Variants in PC observed in about 807,000 individuals in gnomAD.
PC encodes the protein pyruvate carboxylase, mitochondrial.
PC carries 46 observed loss-of-function variants against 107.8 expected under a neutral mutation model. That is an observed-to-expected ratio of 0.43 (90% CI 0.34 to 0.55). The LOEUF is 0.55. Ranked by LOEUF, PC falls within the 20% of genes least tolerant of loss-of-function variation. The pLI is 0.04. For missense variants in PC, 1,241 were observed against 1,643.1 expected, an observed-to-expected ratio of 0.76 and a Z score of 4.23; for synonymous variants, 662 against 684.7, an observed-to-expected ratio of 0.97 and a Z score of 0.52.
At chr11:66,955,300 C>G (rs1205812586) in intron 1 of PC, among the ~76,000 whole-genome samples, 1 of 152,160 alleles carries the variant, frequency 6.6e-6, no homozygotes, top group Non-Finnish European at 1.5e-5. Context: ...CCAGAGCCCC[C>G]ATGAGTGGTG....
Position 66,866,251 on chromosome 11 carries a change from A to G in PC, c.1121T>C (p.Ile374Thr). Residue 374 changes from isoleucine to threonine, a missense_variant, in exon 11 of 23, where the codon ATC (isoleucine) becomes ACC (threonine). This residue lies in a region of PC where 1,143 missense variants were observed against 1,551.9 expected (regional missense o/e 0.74). Transcript: ENST00000393960. This position sits in a 1 kb window ranked among gnomAD's most constrained non-coding sequence, Gnocchi z 5.4. ...GTCCTCGGTGGTGACCCGGCACTGG[A>G]TGGCACACCCGTTGATGCGGATGTT... is the stretch of plus-strand genomic sequence containing the variant. ...QENIRINGCA[I>T]QCRVTTEDPA... The G allele has an allele frequency of 6.2e-7, 1 of 1,612,884 alleles. No homozygotes were observed.
chr11:66,888,676 C>T (rs190346328), intron 3 of PC, among the ~76,000 whole-genome samples: 115 of 152,354 alleles, frequency 7.5e-4, no homozygotes, highest in Non-Finnish European at 1.3e-3. Context: ...GATGGCAACG[C>T]ACAACTTGTC....
intron 3 of PC, among the ~76,000 whole-genome samples, chr11:66,893,699 C>T (rs1366348411): frequency 6.6e-6 from 1 of 152,202 alleles, no homozygotes; most frequent in African/African-American, 2.4e-5. Flanking sequence ...TCAACACAGG[C>T]ACTTGGAGGT....
chr11:66,867,390 A>G (rs2135922743), intron 10 of PC, among the ~76,000 whole-genome samples: 1 of 152,348 alleles, frequency 6.6e-6, no homozygotes, highest in Admixed American at 6.5e-5. Flanking sequence ...TGTCTTAAAA[A>G]AAACCACTCA....
At chr11:66,875,490 C>G (rs1377601514) in intron 3 of PC, among the ~76,000 whole-genome samples, 1 of 152,070 alleles carries the variant, frequency 6.6e-6, no homozygotes, top group Non-Finnish European at 1.5e-5. Flanking sequence ...AGGGAGAGAA[C>G]AGCCTGGGAG....
At chr11:66,877,707 C>T (rs561635854) in intron 3 of PC, among the ~76,000 whole-genome samples, 1 of 152,366 alleles carries the variant, frequency 6.6e-6, no homozygotes, top group East Asian at 1.9e-4. Context: ...AAAGATTCCA[C>T]ACCCTGGCTC....
chr11:66,873,356 T>A (rs181820247), intron 3 of PC, among the ~76,000 whole-genome samples: 2,434 of 112,234 alleles, frequency 0.022, 116 homozygotes, highest in East Asian at 0.15. Flanking sequence ...ATATATATAT[T>A]ATATATAATA....
intron 3 of PC, among the ~76,000 whole-genome samples, chr11:66,939,559 C>G (rs950177281): frequency 7.9e-5 from 12 of 152,144 alleles, no homozygotes; most frequent in Admixed American, 3.3e-4. Context: ...AATCCTAATA[C>G]TTTGGGAGGC....
chr11:66,875,564 A>C (rs1263722310), intron 3 of PC, among the ~76,000 whole-genome samples: 4 of 152,074 alleles, frequency 2.6e-5, no homozygotes, highest in Non-Finnish European at 2.9e-5. Context: ...GGAAGAGCCA[A>C]GAAGGAGCCC....
At chr11:66,867,568 C>T (rs1266385257) in intron 10 of PC, among the ~76,000 whole-genome samples, 2 of 152,186 alleles carry the variant, frequency 1.3e-5, no homozygotes, top group Non-Finnish European at 2.9e-5. Flanking sequence ...TTCATCTCCA[C>T]GACGGTGTGC....
intron 3 of PC, among the ~76,000 whole-genome samples, chr11:66,895,344 T>C (rs1947717459): frequency 6.6e-6 from 1 of 152,118 alleles, no homozygotes; most frequent in East Asian, 1.9e-4. Flanking sequence ...CTGCTCCAGC[T>C]CCCAGGCAGC....
chr11:66,858,301 C>G lies in PC; in HGVS notation c.1369-4918G>C. The G allele has an allele frequency of 6.2e-7, 1 of 1,610,834 alleles. No individual in the cohort carries two copies. Among genetic ancestry groups the G allele is most frequent in the Non-Finnish European group, 8.5e-7 (1 of 1,179,834 alleles). On this transcript the variant is annotated intron_variant, in intron 12 of 22. Coordinates refer to ENST00000393960, the MANE Select transcript of PC (RefSeq NM_001040716.2). The surrounding 1 kb of genome is among the most constrained non-coding windows in gnomAD (Gnocchi z 5.9). ...CATAACCTTATTGACGCACTGCCCC[C>G]AGGCGCCTTCGCCCAGCTCGGTCAG...
intron 3 of PC, among the ~76,000 whole-genome samples, chr11:66,931,869 A>G (rs1948864009): frequency 6.6e-6 from 1 of 151,830 alleles, no homozygotes; most frequent in African/African-American, 2.4e-5. Flanking sequence ...TACAAAAAAC[A>G]TTAGCCGGGC....
intron 12 of PC, chr11:66,859,701 C>T (rs888337116): frequency 2.5e-6 from 4 of 1,612,480 alleles, no homozygotes; most frequent in Non-Finnish European, 3.4e-6. Flanking sequence ...TGACTATGAC[C>T]TCTGCCTGCT....
intron 3 of PC, among the ~76,000 whole-genome samples, chr11:66,924,940 A>T (rs1341711859): frequency 1.3e-5 from 2 of 152,154 alleles, no homozygotes; most frequent in African/African-American, 4.8e-5. Context: ...GAGAAATTTT[A>T]AAGCTGGGTG....
intron 3 of PC, among the ~76,000 whole-genome samples, chr11:66,911,499 G>A (rs758426203): frequency 6.6e-6 from 1 of 152,046 alleles, no homozygotes; most frequent in Non-Finnish European, 1.5e-5. Flanking sequence ...TACTGAGGCA[G>A]GAGTTCGAGG....
At chr11:66,946,464 A>C (rs1265073333) in intron 3 of PC, among the ~76,000 whole-genome samples, 2 of 151,884 alleles carry the variant, frequency 1.3e-5, no homozygotes, top group Non-Finnish European at 2.9e-5. Context: ...CCCCGTCTCT[A>C]CTAAAAATAC....
At chr11:66,868,274 C>A (rs530307811) in intron 10 of PC, among the ~76,000 whole-genome samples, 1 of 152,172 alleles carries the variant, frequency 6.6e-6, no homozygotes, top group Non-Finnish European at 1.5e-5. Flanking sequence ...GCCTAACAAT[C>A]GAGGACTATG....
intron 3 of PC, among the ~76,000 whole-genome samples, chr11:66,883,360 C>T (rs1354627092): frequency 1.3e-5 from 2 of 152,196 alleles, no homozygotes; most frequent in East Asian, 3.9e-4. Flanking sequence ...GAGGAGCCAG[C>T]TTCCTGCCGA....
Sources: allele counts gnomAD v4.1 joint callset (sites outside exome capture counted in the v4.1 genomes callset), GRCh38; gene constraint gnomAD v4.1.1; regional missense constraint gnomAD v4.1.1; non-coding constraint Gnocchi (gnomAD v3.1); transcripts MANE v1.5; gene names NCBI Gene and HGNC (gene_info 2026-07-23, HGNC 2026-07-21).